The following PPEF1 variants were observed in gnomAD, a reference collection of about 807,000 sequenced individuals.
The protein encoded by PPEF1 is serine/threonine-protein phosphatase with EF-hands 1.
In PPEF1, 12 loss-of-function variants were observed where a neutral mutation model predicts 53.3. The ratio of observed to expected loss-of-function variants is 0.23; its 90% CI spans 0.14 to 0.36. PPEF1 has a LOEUF of 0.36. Among genes scored for constraint, PPEF1 ranks in the 10% least tolerant of loss-of-function variants. PPEF1 has a pLI of 1.00. For missense variants in PPEF1, 334 were observed against 490.4 expected, an observed-to-expected ratio of 0.68 and a Z score of 3.01; for synonymous variants, 165 against 176.7, an observed-to-expected ratio of 0.93 and a Z score of 0.52.
In PPEF1 at chrX:18,774,088, T is replaced by A. The variant is rs192517689; in HGVS notation, c.559-4922T>A. On this transcript the variant is annotated intron_variant, in intron 6 of 15. Transcript: ENST00000470157. ...TTCCCTGACTTGAGGACTTTTATTT[T>A]TTATTTTTATTTTTTTTTGAGACGG... 8.4e-3 allele frequency among the ~76,000 whole-genome samples: 934 copies of A among 111,649 alleles called. 12 individuals are homozygous for A. Among genetic ancestry groups the A allele is most frequent in the African/African-American group, 0.029 (884 of 30,766 alleles).
At chrX:18,719,053 C>T (rs1217847182) in intron 1 of PPEF1, among the ~76,000 whole-genome samples, 1 of 112,124 alleles carries the variant, frequency 8.9e-6, no homozygotes, top group Non-Finnish European at 1.9e-5. Context: ...GAATAGAACA[C>T]ATTTCCTATG....
upstream of PPEF1, chrX:18,675,832 G>A (rs990612789): frequency 9.1e-6 from 1 of 110,225 alleles, no homozygotes; most frequent in African/African-American, 3.3e-5. Flanking sequence ...CATCACAAAG[G>A]GTGATTCTTG....
chrX:18,692,430 G>A (rs1435530858), intron 4 of PPEF1, among the ~76,000 whole-genome samples: 1 of 111,954 alleles, frequency 8.9e-6, no homozygotes, highest in African/African-American at 3.2e-5. Flanking sequence ...TAGACACCCA[G>A]TAAATATTGT....
intron 4 of PPEF1, among the ~76,000 whole-genome samples, chrX:18,694,054 T>A (rs1414288817): frequency 3.6e-5 from 4 of 111,730 alleles, no homozygotes; most frequent in Admixed American, 9.5e-5. Context: ...GAATGCGATA[T>A]AACTGTCTGT....
intron 1 of PPEF1, among the ~76,000 whole-genome samples, chrX:18,719,232 A>G (rs1312072759): frequency 9.0e-6 from 1 of 111,513 alleles, no homozygotes. Flanking sequence ...CTTGTAAACT[A>G]TTCTCTTGGT....
rs1293799396 is a variant in PPEF1 at position 18,824,209 on chromosome X, A to T, written c.1665+123A>T. ...GTAATCCCAGCACTTTCGGAGGCCA[A>T]GGCGGGCAGATCCCGAGGTCAGGAG... On this transcript the variant is annotated intron_variant, in intron 14 of 15. Coordinates refer to ENST00000470157, the MANE Select transcript of PPEF1 (RefSeq NM_001377996.1). The T allele has an allele frequency of 1.3e-5, 9 of 708,918 alleles. No homozygotes were observed. The East Asian group carries it at 3.0e-4, about 24-fold the overall frequency. 58.4% of individuals were successfully genotyped at this position (708,918 alleles called of 1,213,427 possible).
chrX:18,788,181 G>A (rs1388166945), intron 9 of PPEF1, among the ~76,000 whole-genome samples: 2 of 108,438 alleles, frequency 1.8e-5, no homozygotes, highest in Non-Finnish European at 3.8e-5. Flanking sequence ...GCCGGGCGTG[G>A]TGGCGGGCGC....
intron 3 of PPEF1, among the ~76,000 whole-genome samples, chrX:18,687,334 T>A (rs1201363713): frequency 9.0e-6 from 1 of 111,334 alleles, no homozygotes; most frequent in Non-Finnish European, 1.9e-5. Flanking sequence ...GCTGCTACAA[T>A]GTGTGTTAAC....
chrX:18,738,147 G>A (rs2045037831), intron 3 of PPEF1, among the ~76,000 whole-genome samples: 1 of 111,217 alleles, frequency 9.0e-6, no homozygotes, highest in Non-Finnish European at 1.9e-5. Flanking sequence ...ATTGTTATGT[G>A]TGAATTTGAT....
At chrX:18,718,268 G>A (rs1020264551) in intron 1 of PPEF1, among the ~76,000 whole-genome samples, 3 of 111,768 alleles carry the variant, frequency 2.7e-5, no homozygotes, top group Non-Finnish European at 3.8e-5. Flanking sequence ...TTTTAGAATC[G>A]TGAACCTTTA....
At chrX:18,714,175 A>G (rs1406379689) in intron 1 of PPEF1, among the ~76,000 whole-genome samples, 1 of 111,128 alleles carries the variant, frequency 9.0e-6, no homozygotes, top group African/African-American at 3.3e-5. Flanking sequence ...GTTTTATCTA[A>G]TCCTTGTAAT....
Position 18,759,079 on chromosome X carries a change from T to C in PPEF1, c.511+1338T>C, listed in dbSNP as rs1050274652. Among the ~76,000 whole-genome samples the C allele has an allele frequency of 4.5e-5, 5 of 111,143 alleles. No homozygotes were observed. The South Asian group carries it at 1.9e-3, about 43-fold the overall frequency. On this transcript the variant is annotated intron_variant, in intron 5 of 15. Coordinates refer to ENST00000470157, the MANE Select transcript of PPEF1 (RefSeq NM_001377996.1). ...GCCATCCTGACTCGCATTAGGTACC[T>C]GGTGGTTCATTGTCCATCGTGAGAC...
At chrX:18,721,939 C>T (rs140300836) in intron 1 of PPEF1, among the ~76,000 whole-genome samples, 2,383 of 112,007 alleles carry the variant, frequency 0.021, 64 homozygotes, top group African/African-American at 0.071. Context: ...CTCCCAGGGA[C>T]AAGGCCTCTG....
chrX:18,708,236 C>T (rs2044244429), intron 1 of PPEF1, among the ~76,000 whole-genome samples: 1 of 111,845 alleles, frequency 8.9e-6, no homozygotes, highest in African/African-American at 3.2e-5. Flanking sequence ...CACATTATTT[C>T]TATATCTATT....
At chrX:18,726,522 C>A (rs1449286089) in intron 1 of PPEF1, among the ~76,000 whole-genome samples, 1 of 111,259 alleles carries the variant, frequency 9.0e-6, no homozygotes, top group Non-Finnish European at 1.9e-5. Context: ...AAGAGACTCG[C>A]CTTTCTGAAC....
At chrX:18,750,857 T>A (rs5909223) in intron 4 of PPEF1, among the ~76,000 whole-genome samples, 51,743 of 110,378 alleles carry the variant, frequency 0.47, 9,277 homozygotes, top group Non-Finnish European at 0.56. Context: ...TTTTGTTTTT[T>A]TTTTTATTTT....
At chrX:18,676,606 C>T (rs1349597895) in intron 1 of PPEF1, among the ~76,000 whole-genome samples, 1 of 111,437 alleles carries the variant, frequency 9.0e-6, no homozygotes, top group Non-Finnish European at 1.9e-5. Context: ...TCCACGTTTC[C>T]CACTAGTCAG....
At chrX:18,818,567 C>T (rs1314490610) in intron 13 of PPEF1, among the ~76,000 whole-genome samples, 1 of 110,798 alleles carries the variant, frequency 9.0e-6, no homozygotes, top group Non-Finnish European at 1.9e-5. Flanking sequence ...GATGGGATTT[C>T]ACCATGTTGT....
At chrX:18,806,797 TAAAGA>T (rs1414650747) in intron 12 of PPEF1, among the ~76,000 whole-genome samples, 1 of 111,705 alleles carries the variant, frequency 9.0e-6, no homozygotes, top group African/African-American at 3.3e-5. Flanking sequence ...TAACTGAATG[TAAAGA>T]AAAGAAGATC....
Sources: gnomAD v4.1 joint callset for allele counts (sites outside exome capture counted in the v4.1 genomes callset) on GRCh38, gnomAD v4.1.1 for gene constraint, MANE v1.5 for transcripts, NCBI Gene and HGNC (gene_info 2026-07-23, HGNC 2026-07-21) for gene names.